SEM1: variants seen among roughly 807,000 people sequenced by gnomAD.
SEM1 encodes 26S proteasome complex subunit SEM1.
Under a neutral mutation model 12.7 loss-of-function variants are expected in SEM1, and 3 were observed. The observed-to-expected ratio is 0.24, with a 90% CI of 0.11 to 0.61. The LOEUF is 0.61. Among genes scored for constraint, SEM1 ranks in the 20% least tolerant of loss-of-function variants. The pLI, the probability that SEM1 is intolerant of heterozygous loss-of-function variation, is 0.88. For synonymous variants in SEM1, 30 were observed against 27.8 expected (o/e 1.08, Z -0.25); for missense variants, 59 against 81.3 (o/e 0.73, Z 1.06).
chr7:96,633,104 C>T (rs1808324382), intron 2 of SEM1, among the ~76,000 whole-genome samples: 1 of 151,952 alleles, frequency 6.6e-6, no homozygotes, highest in African/African-American at 2.4e-5. Context: ...CCTGGTAGTT[C>T]AGATTCAATT....
chr7:96,505,804 G>T (rs562263440), intron 3 of SEM1, among the ~76,000 whole-genome samples: 1 of 151,950 alleles, frequency 6.6e-6, no homozygotes, highest in Admixed American at 6.6e-5. Flanking sequence ...TAACCACCTC[G>T]CAAAACCCTC....
At chr7:96,622,890 A>G in intron 2 of SEM1, 1 of 475,668 alleles carries the variant, frequency 2.1e-6, no homozygotes, top group Non-Finnish European at 3.8e-6. Context: ...TGCATGGAAT[A>G]CAAATGCTTT....
intron 2 of SEM1, among the ~76,000 whole-genome samples, chr7:96,660,005 T>A (rs1316444176): frequency 6.7e-6 from 1 of 149,046 alleles, no homozygotes; most frequent in Non-Finnish European, 1.5e-5. Context: ...AAAATAAGAG[T>A]TTCAGATTGG....
intron 2 of SEM1, among the ~76,000 whole-genome samples, chr7:96,519,310 T>A (rs1804195523): frequency 6.6e-6 from 1 of 151,966 alleles, no homozygotes; most frequent in African/African-American, 2.4e-5. Flanking sequence ...GCTTTAGGCA[T>A]TTAGGATACA....
rs1209588658 is a variant in SEM1, at chr7:96,615,209, G to A, written c.170+79589C>T. Among the ~76,000 whole-genome samples the A allele has an allele frequency of 4.8e-5, 7 of 147,360 alleles. No homozygotes were observed. The East Asian group carries it at 1.4e-3, about 29-fold the overall frequency. On this transcript the variant is annotated intron_variant and NMD_transcript_variant, in intron 2 of 3. Coordinates refer to the SEM1 transcript ENST00000466986. Reference sequence around the variant, plus strand: ...ACCAGTTTCCATCATCCTCTTCTGTGGACTGGACTGTTGGGTTATTTTTTG... The same window carrying A: ...ACCAGTTTCCATCATCCTCTTCTGTAGACTGGACTGTTGGGTTATTTTTTG...
At chr7:96,673,768 A>G (rs1480178635) in exon 3 of SEM1, 18 of 765,196 alleles carry the variant, frequency 2.4e-5, no homozygotes, top group Non-Finnish European at 4.1e-5. Flanking sequence ...TGTTAACAGC[A>G]GAGGAAAGCA....
chr7:96,571,173 T>C (rs1217342407), intron 2 of SEM1, among the ~76,000 whole-genome samples: 1 of 152,172 alleles, frequency 6.6e-6, no homozygotes, highest in Non-Finnish European at 1.5e-5. Context: ...ACTATGATGA[T>C]AGTTTCTTCT....
intron 2 of SEM1, among the ~76,000 whole-genome samples, chr7:96,581,849 T>C (rs2116061786): frequency 6.6e-6 from 1 of 152,168 alleles, no homozygotes; most frequent in East Asian, 1.9e-4. Flanking sequence ...TGAAGTTGCT[T>C]ATCAGCTTAA....
chr7:96,629,398 T>A (rs1404257296), intron 2 of SEM1, among the ~76,000 whole-genome samples: 1 of 151,902 alleles, frequency 6.6e-6, no homozygotes, highest in Non-Finnish European at 1.5e-5. Flanking sequence ...GCTCACTAAT[T>A]CCTCTTCTGC....
chr7:96,609,370 A>T (rs188487332), intron 2 of SEM1, among the ~76,000 whole-genome samples: 27 of 152,268 alleles, frequency 1.8e-4, no homozygotes, highest in African/African-American at 5.5e-4. Context: ...TCCCCATACC[A>T]TGCATTGAGA....
chr7:96,666,128 A>T (rs1329017912), intron 2 of SEM1, among the ~76,000 whole-genome samples: 1 of 152,168 alleles, frequency 6.6e-6, no homozygotes, highest in Non-Finnish European at 1.5e-5. Flanking sequence ...TTACATTCTT[A>T]CTTACAGACA....
chr7:96,674,001 C>T (rs2115600398), intron 2 of SEM1: 3 of 617,396 alleles, frequency 4.9e-6, no homozygotes, highest in East Asian at 5.5e-5. Context: ...CTCTACCTCC[C>T]CTCTCCCTGA....
intron 2 of SEM1, among the ~76,000 whole-genome samples, chr7:96,546,814 G>A (rs1400643192): frequency 6.6e-6 from 1 of 151,860 alleles, no homozygotes; most frequent in African/African-American, 2.4e-5. Flanking sequence ...GTTGTTTAAG[G>A]ATAAACTGTC....
chr7:96,633,604 G>A (rs1808338759), intron 2 of SEM1, among the ~76,000 whole-genome samples: 1 of 152,074 alleles, frequency 6.6e-6, no homozygotes, highest in African/African-American at 2.4e-5. Flanking sequence ...TATGCAACCA[G>A]AAACACTTAT....
upstream of SEM1, among the ~76,000 whole-genome samples, chr7:96,500,384 T>G (rs1466057547): frequency 1.3e-5 from 2 of 151,678 alleles, no homozygotes; most frequent in African/African-American, 2.4e-5. Flanking sequence ...ACTACCTGTG[T>G]TTTTTTATGA....
At chr7:96,488,117 C>T (rs1293143524) in intron 1 of SEM1, among the ~76,000 whole-genome samples, 4 of 152,010 alleles carry the variant, frequency 2.6e-5, no homozygotes, top group Non-Finnish European at 5.9e-5. Context: ...TATTGTTAAA[C>T]CAAGGGAGAG....
intron 3 of SEM1, among the ~76,000 whole-genome samples, chr7:96,504,476 C>T (rs907981541): frequency 6.6e-6 from 1 of 152,096 alleles, no homozygotes; most frequent in African/African-American, 2.4e-5. Flanking sequence ...CAATTACCAG[C>T]TTATGGCCAA....
chr7:96,597,782 C>G (rs1305919299), intron 2 of SEM1, among the ~76,000 whole-genome samples: 1 of 152,002 alleles, frequency 6.6e-6, no homozygotes, highest in South Asian at 2.1e-4. Context: ...TGCCTCCTCA[C>G]TCTTGTACCC....
At chr7:96,529,719 T>C (rs1295885425) in intron 2 of SEM1, among the ~76,000 whole-genome samples, 1 of 152,146 alleles carries the variant, frequency 6.6e-6, no homozygotes, top group Non-Finnish European at 1.5e-5. Flanking sequence ...ACAGAAATAG[T>C]TGTCCAAGTG....
Sources: gnomAD v4.1 joint callset for allele counts (sites outside exome capture counted in the v4.1 genomes callset) on GRCh38, gnomAD v4.1.1 for gene constraint, MANE v1.5 for transcripts, NCBI Gene and HGNC (gene_info 2026-07-23, HGNC 2026-07-21) for gene names.